The following BTBD9 variants were observed in gnomAD, a reference collection of about 807,000 sequenced individuals.
BTBD9 encodes BTB domain containing 9.
In BTBD9, 49 loss-of-function variants were observed where a neutral mutation model predicts 64.3. The observed-to-expected ratio is 0.76, with a 90% confidence interval of 0.61 to 0.97. The LOEUF (loss-of-function observed/expected upper bound fraction) is 0.97. Among genes scored for constraint, BTBD9 ranks in the 50% least tolerant of loss-of-function variants. The pLI is 0.00. For synonymous variants in BTBD9, 260 were observed against 274.7 expected (o/e 0.95, Z 0.53); for missense variants, 598 against 762.1 (o/e 0.78, Z 2.53).
At chr6:38,614,345 G>C (rs909680731) in intron 1 of BTBD9, among the ~76,000 whole-genome samples, 7 of 152,108 alleles carry the variant, frequency 4.6e-5, no homozygotes, top group Non-Finnish European at 1.0e-4. Flanking sequence ...ACAATAACCA[G>C]AACACAGAGA....
At position 38,549,651 on chromosome 6, in the gene BTBD9, C is replaced by T. The variant is rs9470897; in HGVS notation, c.1154+27949G>A. Among the ~76,000 whole-genome samples, 503 of 152,222 alleles carry T rather than the reference C, an allele frequency of 3.3e-3. 3 individuals carry two copies. The highest frequency in any genetic ancestry group is 0.011 in the African/African-American group (466 of 41,542). On this transcript the variant is annotated intron_variant, in intron 6 of 10. Transcript: ENST00000481247. ...AAAATAACTTTTCCCAGACAGTTGA[C>T]ACCAGAAGTGACTGTGCAGCTAAGC... is the stretch of plus-strand genomic sequence containing the variant.
At chr6:38,271,753 T>C (rs1765203126) in intron 8 of BTBD9, among the ~76,000 whole-genome samples, 1 of 152,202 alleles carries the variant, frequency 6.6e-6, no homozygotes, top group Admixed American at 6.5e-5. Flanking sequence ...GAAATAAAGA[T>C]ACAGTTTAAA....
At chr6:38,542,393 C>G (rs895058505) in intron 6 of BTBD9, among the ~76,000 whole-genome samples, 3 of 152,152 alleles carry the variant, frequency 2.0e-5, no homozygotes, top group African/African-American at 7.2e-5. Flanking sequence ...ATGTCTCCCT[C>G]TCTCATTCTC....
At chr6:38,613,357 C>T (rs1456860696) in intron 1 of BTBD9, among the ~76,000 whole-genome samples, 4 of 152,210 alleles carry the variant, frequency 2.6e-5, no homozygotes, top group Admixed American at 6.5e-5. Flanking sequence ...CATGGTGACT[C>T]ACGCTTGTAA....
chr6:38,447,563 A>G (rs1166198236), intron 6 of BTBD9, among the ~76,000 whole-genome samples: 1 of 152,256 alleles, frequency 6.6e-6, no homozygotes, highest in African/African-American at 2.4e-5. Flanking sequence ...CTAAAGAGCA[A>G]GAAAGTGGAA....
At chr6:38,308,485 A>G (rs1020828901) in intron 7 of BTBD9, among the ~76,000 whole-genome samples, 7 of 152,274 alleles carry the variant, frequency 4.6e-5, no homozygotes, top group Non-Finnish European at 8.8e-5. Context: ...AAGTTTTAAT[A>G]TAAAGGGCAT....
intron 6 of BTBD9, chr6:38,402,723 T>G: frequency 3.0e-6 from 2 of 676,406 alleles, no homozygotes; most frequent in Non-Finnish European, 5.3e-6. Context: ...TAGAAGAAAA[T>G]AGAGGTGTAT....
At chr6:38,337,394 T>G (rs962789843) in intron 7 of BTBD9, among the ~76,000 whole-genome samples, 1 of 152,248 alleles carries the variant, frequency 6.6e-6, no homozygotes, top group Non-Finnish European at 1.5e-5. Flanking sequence ...GTAGTAACCA[T>G]AGACAACCTA....
rs575012561 is a variant in BTBD9 at position 38,254,481 on chromosome 6, A to C, written c.1562+1928T>G. On this transcript the variant is annotated intron_variant, in intron 9 of 10. Coordinates refer to ENST00000481247, the MANE Select transcript of BTBD9 (RefSeq NM_001099272.2). Reference sequence around the variant, plus strand: ...AAACAAACAAACAAACAAACAAAAAAAAACAATTAGCTGGGCACAGTGGCA... The same window carrying C: ...AAACAAACAAACAAACAAACAAAAACAAACAATTAGCTGGGCACAGTGGCA... Among the ~76,000 whole-genome samples, 3 of 152,178 alleles carry C rather than the reference A, an allele frequency of 2.0e-5. No homozygotes were observed. The South Asian group carries it at 6.2e-4, about 32-fold the overall frequency.
At chr6:38,425,079 G>A (rs559825491) in intron 6 of BTBD9, among the ~76,000 whole-genome samples, 1 of 149,782 alleles carries the variant, frequency 6.7e-6, no homozygotes, top group African/African-American at 2.5e-5. Flanking sequence ...GCCTCCCAAA[G>A]TGCTCGGATT....
At chr6:38,481,122 T>C (rs546551664) in intron 6 of BTBD9, among the ~76,000 whole-genome samples, 4 of 152,156 alleles carry the variant, frequency 2.6e-5, no homozygotes, top group African/African-American at 9.7e-5. Flanking sequence ...GAAAGGTTTA[T>C]TCTAACGTGA....
intron 6 of BTBD9, among the ~76,000 whole-genome samples, chr6:38,564,890 T>A (rs1465650077): frequency 6.6e-6 from 1 of 151,764 alleles, no homozygotes; most frequent in Admixed American, 6.6e-5. Context: ...AGACTCTGTC[T>A]CAAAAAAAAT....
intron 6 of BTBD9, among the ~76,000 whole-genome samples, chr6:38,387,800 C>T (rs1488367214): frequency 2.0e-5 from 3 of 151,472 alleles, no homozygotes; most frequent in African/African-American, 4.8e-5. Flanking sequence ...GCCCAGATGC[C>T]AAATACATCC....
chr6:38,268,398 A>G (rs1765087937), intron 8 of BTBD9, among the ~76,000 whole-genome samples: 1 of 152,164 alleles, frequency 6.6e-6, no homozygotes, highest in African/African-American at 2.4e-5. Flanking sequence ...AGAACTCACA[A>G]TTTAGCTACA....
intron 7 of BTBD9, among the ~76,000 whole-genome samples, chr6:38,340,300 C>T (rs907231940): frequency 3.9e-5 from 6 of 152,048 alleles, no homozygotes; most frequent in Admixed American, 1.3e-4. Context: ...TTCCTCTATA[C>T]GGTATCAAGC....
intron 9 of BTBD9, 54 bp downstream of exon 9, chr6:38,256,355 A>G: frequency 7.4e-7 from 1 of 1,347,698 alleles, no homozygotes; most frequent in Middle Eastern, 1.8e-4. Context: ...CTCCCAATCC[A>G]CTGGGAAGAC....
intron 9 of BTBD9, among the ~76,000 whole-genome samples, chr6:38,238,134 G>C (rs959906012): frequency 1.3e-5 from 2 of 152,152 alleles, no homozygotes; most frequent in African/African-American, 4.8e-5. Flanking sequence ...AAATCAGCAA[G>C]CACCTCATTC....
intron 9 of BTBD9, among the ~76,000 whole-genome samples, chr6:38,213,125 A>C (rs1762892795): frequency 6.6e-6 from 1 of 152,166 alleles, no homozygotes; most frequent in Non-Finnish European, 1.5e-5. Flanking sequence ...TAAGCAAGCA[A>C]GTGGCCTTCC....
At position 38,564,928 on chromosome 6, in the gene BTBD9, C is replaced by T. The variant is rs139687916; in HGVS notation, c.1154+12672G>A. On this transcript the variant is annotated intron_variant, in intron 6 of 10. Transcript: ENST00000481247. ...ATAAATAAAAATAAAAAAGATCTCACTATATAAAAACAAAGCAGATAAAAT... is the reference window on the plus strand; with the variant it reads ...ATAAATAAAAATAAAAAAGATCTCATTATATAAAAACAAAGCAGATAAAAT... Among the ~76,000 whole-genome samples the T allele has an allele frequency of 2.3e-4, 35 of 152,008 alleles. 1 individual carries two copies. The highest frequency in any genetic ancestry group is 8.2e-4 in the African/African-American group (34 of 41,502).
Sources: allele counts gnomAD v4.1 joint callset (sites outside exome capture counted in the v4.1 genomes callset), GRCh38; gene constraint gnomAD v4.1.1; transcripts MANE v1.5; gene names NCBI Gene and HGNC (gene_info 2026-07-23, HGNC 2026-07-21).